WASHC2C: variants seen among roughly 807,000 people sequenced by gnomAD.
WASHC2C encodes the protein WASH complex subunit 2C, also known as Vaccinia Penetration Factor.
Under a neutral mutation model 142.2 loss-of-function variants are expected in WASHC2C, and 73 were observed. The ratio of observed to expected loss-of-function variants is 0.51; its 90% CI spans 0.43 to 0.62. The LOEUF (loss-of-function observed/expected upper bound fraction) is 0.62, where lower values mean the gene tolerates loss of function less well. Ranked by LOEUF, WASHC2C falls within the 20% of genes least tolerant of loss-of-function variation. The pLI, the probability that WASHC2C is intolerant of heterozygous loss-of-function variation, is 0.00. For missense variants in WASHC2C, 969 were observed against 1,531.7 expected, an observed-to-expected ratio of 0.63 and a Z score of 6.13; for synonymous variants, 337 against 565.5, an observed-to-expected ratio of 0.60 and a Z score of 5.73.
chr10:45,780,053 A>G (rs2057379317), intron 23 of WASHC2C, among the ~76,000 whole-genome samples: 1 of 152,036 alleles, frequency 6.6e-6, no homozygotes, highest in Non-Finnish European at 1.5e-5. Context: ...TTAAAACTAG[A>G]CAGCGACATC....
chr10:45,743,414 C>T lies in WASHC2C; in HGVS notation c.553C>T (p.Pro185Ser), dbSNP rs1554869379. ...GGATCTATACATTGATCGTCCTTTACCATATCTCATTGGGTCAAAGCTGTT... is the reference window on the plus strand; with the variant it reads ...GGATCTATACATTGATCGTCCTTTATCATATCTCATTGGGTCAAAGCTGTT... ...PKDLYIDRPLPYLIGSKLFME... is the reference protein window; with the variant it reads ...PKDLYIDRPLSYLIGSKLFME... The change falls in exon 6 of 31, where the codon CCA becomes TCA. Residue 185 changes from proline (P) to serine (S), a missense_variant. Transcript: ENST00000623400. 6.2e-7 allele frequency: 1 copy of T among 1,611,742 alleles called. No individual in the cohort carries two copies. Among genetic ancestry groups the T allele is most frequent in the East Asian group, 2.2e-5 (1 of 44,868 alleles).
chr10:45,772,759 A>G (rs2056714139), intron 20 of WASHC2C, among the ~76,000 whole-genome samples: 1 of 152,142 alleles, frequency 6.6e-6, no homozygotes, highest in South Asian at 2.1e-4. Context: ...TACAAGGTGA[A>G]TTTTATGGAA....
At chr10:45,781,299 A>G (rs1201972379) in intron 23 of WASHC2C, among the ~76,000 whole-genome samples, 8 of 152,252 alleles carry the variant, frequency 5.3e-5, no homozygotes, top group African/African-American at 9.6e-5. Flanking sequence ...TTCCTTCCCA[A>G]ATTGATTTAT....
intron 11 of WASHC2C, among the ~76,000 whole-genome samples, chr10:45,752,302 G>A (rs542586222): frequency 6.6e-6 from 1 of 152,418 alleles, no homozygotes; most frequent in South Asian, 2.1e-4. Context: ...TGACCCGAAT[G>A]CTTGCTTCAG....
At chr10:45,784,271 T>TATATATATATACACACACAC in intron 23 of WASHC2C, among the ~76,000 whole-genome samples, 1 of 8,724 alleles carries the variant, frequency 1.1e-4, no homozygotes, top group South Asian at 0.012. Flanking sequence ...TATATATATA[T>TATATATATATACACACACAC]ATATATATAT....
intron 23 of WASHC2C, among the ~76,000 whole-genome samples, chr10:45,784,265 T>TACAC (rs1554888896): frequency 1.8e-4 from 1 of 5,664 alleles, no homozygotes; most frequent in Non-Finnish European, 5.7e-4. Flanking sequence ...TATATATATA[T>TACAC]ATATATATAT....
chr10:45,784,277 TATATATATATATACAC>T (rs1374096687), intron 23 of WASHC2C, among the ~76,000 whole-genome samples: 138 of 7,986 alleles, frequency 0.017, 3 homozygotes, highest in Non-Finnish European at 0.046. Context: ...TATATATATA[TATATATATATATACAC>T]ATATATATAT....
chr10:45,741,175 C>A (rs1191384154), intron 5 of WASHC2C, among the ~76,000 whole-genome samples: 1 of 152,076 alleles, frequency 6.6e-6, no homozygotes, highest in Non-Finnish European at 1.5e-5. Context: ...CTCGAACTCC[C>A]AACCTCAGGT....
At chr10:45,761,702 C>T (rs1480567055) in intron 17 of WASHC2C, among the ~76,000 whole-genome samples, 15 of 151,706 alleles carry the variant, frequency 9.9e-5, no homozygotes, top group South Asian at 6.3e-4. Context: ...TTTGAGGTAA[C>T]GGAAGTGTCT....
chr10:45,729,041 T>C lies in WASHC2C; in HGVS notation c.291+15T>C, dbSNP rs782788531. On this transcript the variant is annotated intron_variant, in intron 3 of 30. Transcript: ENST00000623400. ...TCATAGAGAATGTGAGTTATTTAGT[T>C]ATATTATAATTCCTTTTTTGGGAGT... is the stretch of plus-strand genomic sequence containing the variant. The C allele has an allele frequency of 6.2e-7, 1 of 1,603,252 alleles. No individual in the cohort carries two copies. The highest frequency in any genetic ancestry group is 8.5e-7 in the Non-Finnish European group (1 of 1,175,306).
chr10:45,763,680 A>G (rs1369607507), intron 18 of WASHC2C, among the ~76,000 whole-genome samples, 191 bp downstream of exon 18: 1 of 151,704 alleles, frequency 6.6e-6, no homozygotes, highest in African/African-American at 2.4e-5. Flanking sequence ...CTAGCTGTGC[A>G]ATGGAGAAGA....
intron 18 of WASHC2C, among the ~76,000 whole-genome samples, chr10:45,765,401 A>C (rs2055673230): frequency 6.6e-6 from 1 of 150,696 alleles, no homozygotes; most frequent in Admixed American, 6.6e-5. Flanking sequence ...GATGGGGCTC[A>C]GTTTCTCCTT....
At chr10:45,750,935 A>G (rs187476100) in intron 10 of WASHC2C, 97 bp downstream of exon 10, 28,332 of 884,642 alleles carry the variant, frequency 0.032, 579 homozygotes, top group East Asian at 0.086. Context: ...ATTAGTAATT[A>G]CTACATATAT....
chr10:45,742,464 G>A (rs868961550), intron 5 of WASHC2C, among the ~76,000 whole-genome samples: 6,186 of 150,530 alleles, frequency 0.041, 42 homozygotes, highest in African/African-American at 0.065. Flanking sequence ...ATAGGTGTGC[G>A]CCACCACACC....
intron 15 of WASHC2C, 107 bp from the exon 16 acceptor site, chr10:45,756,905 A>T: frequency 1.2e-6 from 1 of 857,456 alleles, no homozygotes; most frequent in Non-Finnish European, 1.8e-6. Context: ...AAGAAACAAC[A>T]TAACTTTTTA....
At chr10:45,771,311 G>C (rs1488106662) in intron 20 of WASHC2C, among the ~76,000 whole-genome samples, 2 of 141,304 alleles carry the variant, frequency 1.4e-5, no homozygotes, top group Non-Finnish European at 3.0e-5. Flanking sequence ...GTTACAGTGA[G>C]CCAAGATCTC....
At chr10:45,792,019 G>A (rs2058424344) in intron 30 of WASHC2C, among the ~76,000 whole-genome samples, 1 of 145,166 alleles carries the variant, frequency 6.9e-6, no homozygotes, top group Non-Finnish European at 1.5e-5. Context: ...TCCTGCACAC[G>A]CACATACATA....
At position 45,786,963 on chromosome 10, in the gene WASHC2C, T is replaced by A. The variant is rs1554890446; in HGVS notation, c.2875-72T>A. 3 of 1,611,864 alleles carry A rather than the reference T, an allele frequency of 1.9e-6. No homozygotes were observed. In the Admixed American group the frequency reaches 5.0e-5, roughly 27 times the overall value. ...TATACATTATGTGTACCGAATCTTG[T>A]CATGTGTCACAATAAAGATAATAGA... On this transcript the variant is annotated intron_variant, in intron 27 of 30. Transcript: ENST00000623400.
At position 45,789,092 on chromosome 10, in the gene WASHC2C, G is replaced by A. The variant is rs2058248531; in HGVS notation, c.3309G>A (p.Trp1103Ter). 2.5e-6 allele frequency: 4 copies of A among 1,611,948 alleles called. No homozygotes were observed. In the African/African-American group the frequency reaches 4.0e-5, roughly 16 times the overall value. Residue 1103 changes from tryptophan (W) to a stop codon, truncating the protein, a stop_gained, in exon 29 of 31, where the codon TGG (tryptophan) becomes TGA (stop). Coordinates refer to ENST00000623400, the MANE Select transcript of WASHC2C (RefSeq NM_001330074.2). LOFTEE classifies it high-confidence loss of function. ...CCCTGGCAGCTGCCGCTGCACCTTG[G>A]GAAGGTGGTCCTGTGCCTGGAGTGG... ...EEALAAAAAP[W>*]EGGPVPGVDT... is the part of the protein sequence containing the mutation.
Sources: allele counts gnomAD v4.1 joint callset (sites outside exome capture counted in the v4.1 genomes callset), GRCh38; gene constraint gnomAD v4.1.1; transcripts MANE v1.5; gene names NCBI Gene and HGNC (gene_info 2026-07-23, HGNC 2026-07-21).